The following PAG1 variants were observed in gnomAD, a reference collection of about 807,000 sequenced individuals.
PAG1 encodes the protein phosphoprotein membrane anchor with glycosphingolipid microdomains 1.
Under a neutral mutation model 31.7 loss-of-function variants are expected in PAG1, and 23 were observed. The ratio of observed to expected loss-of-function variants is 0.73; its 90% confidence interval spans 0.52 to 1.03. The LOEUF (loss-of-function observed/expected upper bound fraction) is 1.03. PAG1 is among the 50% of genes least tolerant of loss of function. The pLI is 0.00. For synonymous variants in PAG1, 214 were observed against 210.3 expected, an observed-to-expected ratio of 1.02 and a Z score of -0.15; for missense variants, 473 against 540.7, an observed-to-expected ratio of 0.87 and a Z score of 1.24.
chr8:80,977,968 C>G (rs1308976705), intron 8 of PAG1, among the ~76,000 whole-genome samples: 1 of 152,190 alleles, frequency 6.6e-6, no homozygotes, highest in East Asian at 1.9e-4. Flanking sequence ...TCACAGATGC[C>G]TGGCTTCCCA....
rs1807142502 is a variant in PAG1, at chr8:80,974,406, G to C, written c.*2138C>G. 1 of 152,174 alleles carries C rather than the reference G, an allele frequency of 6.6e-6. No individual in the cohort carries two copies. 9.4% of individuals were successfully genotyped at this position (152,174 alleles called of 1,614,324 possible). A position where few individuals can be genotyped will look rare whatever the true frequency, so the allele number is the denominator to read the frequency against. ...TCATCCAGCAAAGCAGTGCTTATGAGAGACTAGAATTCAGAGAAATGCAAG... is the reference window on the plus strand; with the variant it reads ...TCATCCAGCAAAGCAGTGCTTATGACAGACTAGAATTCAGAGAAATGCAAG... On this transcript the variant is annotated 3_prime_UTR_variant, in exon 9 of 9. Coordinates refer to ENST00000220597, the MANE Select transcript of PAG1 (RefSeq NM_018440.4).
intron 3 of PAG1, among the ~76,000 whole-genome samples, chr8:81,011,349 G>A (rs1807980541): frequency 1.3e-5 from 2 of 152,158 alleles, no homozygotes; most frequent in South Asian, 2.1e-4. Context: ...TAGTGAGTAA[G>A]TCTCACAAGA....
chr8:80,983,233 C>T (rs1442661454), intron 7 of PAG1, among the ~76,000 whole-genome samples: 1 of 152,188 alleles, frequency 6.6e-6, no homozygotes, highest in Non-Finnish European at 1.5e-5. Context: ...TCCACAAAAG[C>T]ACAAACCTCA....
chr8:80,993,990 C>T (rs1238632847), intron 3 of PAG1, among the ~76,000 whole-genome samples: 1 of 152,104 alleles, frequency 6.6e-6, no homozygotes, highest in Non-Finnish European at 1.5e-5. Flanking sequence ...TAAAAAAAAT[C>T]AGAACAGTAT....
chr8:81,018,781 T>G (rs1243835851), intron 3 of PAG1, among the ~76,000 whole-genome samples: 1 of 152,224 alleles, frequency 6.6e-6, no homozygotes, highest in Non-Finnish European at 1.5e-5. Flanking sequence ...GTGCATGTCT[T>G]TATTAGCAGT....
At chr8:81,057,998 A>G (rs1808855726) in intron 2 of PAG1, among the ~76,000 whole-genome samples, 1 of 152,212 alleles carries the variant, frequency 6.6e-6, no homozygotes. Flanking sequence ...TGATAACAGT[A>G]AATACTGCCT....
chr8:80,978,356 C>T (rs1465792045), intron 8 of PAG1, among the ~76,000 whole-genome samples: 2 of 152,160 alleles, frequency 1.3e-5, no homozygotes, highest in African/African-American at 4.8e-5. Flanking sequence ...AAAAAATTCA[C>T]TGCTGTTTAT....
At chr8:81,084,506 G>A (rs1416454840) in intron 1 of PAG1, among the ~76,000 whole-genome samples, 2 of 152,064 alleles carry the variant, frequency 1.3e-5, no homozygotes, top group Non-Finnish European at 2.9e-5. Flanking sequence ...AATGATGTTA[G>A]TTAACTTTTT....
chr8:81,026,187 A>C (rs1463091773), intron 3 of PAG1, among the ~76,000 whole-genome samples: 1 of 151,976 alleles, frequency 6.6e-6, no homozygotes, highest in African/African-American at 2.4e-5. Context: ...TGTAGGTACA[A>C]TATGAGTGTT....
chr8:80,973,860 T>G lies in PAG1; in HGVS notation c.*2684A>C, dbSNP rs1407109253. On this transcript the variant is annotated 3_prime_UTR_variant, in exon 9 of 9. Transcript: ENST00000220597. ...TCAGTAAAATATCCAGTGCTCCAAA[T>G]AGCTGAGCCATCTTTCTAAGGTTCA... is the stretch of plus-strand genomic sequence containing the variant. 6.6e-6 allele frequency: 1 copy of G among 152,194 alleles called. No individual in the cohort carries two copies. The highest frequency in any genetic ancestry group is 1.5e-5 in the Non-Finnish European group (1 of 68,046). 9.4% of individuals were successfully genotyped at this position (152,194 alleles called of 1,614,324 possible).
At chr8:81,045,426 T>C (rs917865577) in intron 2 of PAG1, among the ~76,000 whole-genome samples, 3 of 152,212 alleles carry the variant, frequency 2.0e-5, no homozygotes, top group Admixed American at 6.5e-5. Context: ...AGCTGCACTA[T>C]GGTGCTTAGT....
chr8:81,003,647 C>T (rs999360028), intron 3 of PAG1, among the ~76,000 whole-genome samples: 1 of 152,134 alleles, frequency 6.6e-6, no homozygotes, highest in African/African-American at 2.4e-5. Context: ...CGCCCCATGC[C>T]TCAGTTTCCC....
intron 2 of PAG1, among the ~76,000 whole-genome samples, chr8:81,057,715 T>TA (rs939447611): frequency 6.6e-6 from 1 of 151,958 alleles, no homozygotes; most frequent in African/African-American, 2.4e-5. Context: ...TAAAGTATAA[T>TA]AAAAAAAATA....
intron 8 of PAG1, among the ~76,000 whole-genome samples, chr8:80,979,769 T>C (rs1286583200): frequency 6.6e-6 from 1 of 152,238 alleles, no homozygotes; most frequent in East Asian, 1.9e-4. Flanking sequence ...TCTCTGAGCA[T>C]AGCTCAACAT....
At chr8:80,978,646 T>C (rs1807233284) in intron 8 of PAG1, among the ~76,000 whole-genome samples, 1 of 152,232 alleles carries the variant, frequency 6.6e-6, no homozygotes, top group South Asian at 2.1e-4. Context: ...TACTTGGTCT[T>C]CTTGGCCTTT....
chr8:80,968,150 T>C lies in PAG1; in HGVS notation c.*8394A>G, dbSNP rs930971699. The C allele has an allele frequency of 6.6e-6, 1 of 152,252 alleles. No homozygotes were observed. Among genetic ancestry groups the C allele is most frequent in the Non-Finnish European group, 1.5e-5 (1 of 68,042 alleles). The allele number at this position is 152,252 out of a possible 1,614,324, so 9.4% of individuals were successfully genotyped here. On this transcript the variant is annotated 3_prime_UTR_variant, in exon 9 of 9. Transcript: ENST00000220597. ...TAACATGACTAACAGTATTGTTATT[T>C]AAACCCTAAACATAATTAATAATTG...
chr8:81,111,314 T>C (rs1323760766), intron 1 of PAG1, among the ~76,000 whole-genome samples: 1 of 152,084 alleles, frequency 6.6e-6, no homozygotes, highest in Non-Finnish European at 1.5e-5. Flanking sequence ...TCAAGGAGCT[T>C]GGAATGAATA....
chr8:80,991,446 G>A (rs768730525), intron 5 of PAG1, 33 bp downstream of exon 5: 22 of 1,571,764 alleles, frequency 1.4e-5, no homozygotes, highest in South Asian at 5.5e-5. Context: ...GAGCACGCAC[G>A]GACAGACAGG....
At chr8:81,014,863 A>C (rs1808046256) in intron 3 of PAG1, among the ~76,000 whole-genome samples, 1 of 152,154 alleles carries the variant, frequency 6.6e-6, no homozygotes, top group Admixed American at 6.5e-5. Context: ...AATCGGGCGG[A>C]TAGAGGGCCC....
Sources: allele counts gnomAD v4.1 joint callset (sites outside exome capture counted in the v4.1 genomes callset), GRCh38; gene constraint gnomAD v4.1.1; transcripts MANE v1.5; gene names NCBI Gene and HGNC (gene_info 2026-07-23, HGNC 2026-07-21).